The following VIRMA variants were observed in gnomAD, a reference collection of about 807,000 sequenced individuals.
VIRMA encodes the protein protein virilizer homolog.
Under a neutral mutation model 182.4 loss-of-function variants are expected in VIRMA, and 65 were observed. The observed-to-expected ratio is 0.36, with a 90% CI of 0.29 to 0.44. The LOEUF is 0.44. Ranked by LOEUF, VIRMA falls within the 20% of genes least tolerant of loss-of-function variation. VIRMA has a pLI of 1.00. For synonymous variants in VIRMA, 709 were observed against 743.1 expected, an observed-to-expected ratio of 0.95 and a Z score of 0.75; for missense variants, 1,752 against 2,158.1, an observed-to-expected ratio of 0.81 and a Z score of 3.73.
intron 4 of VIRMA, 112 bp downstream of exon 4, chr8:94,536,991 G>GAAA: frequency 9.3e-6 from 6 of 642,568 alleles, no homozygotes; most frequent in East Asian, 3.2e-5. Flanking sequence ...AAAACACAAA[G>GAAA]AAAAAAAAAA....
chr8:94,516,768 GA>G (rs1386869548), intron 10 of VIRMA, among the ~76,000 whole-genome samples: 1 of 152,032 alleles, frequency 6.6e-6, no homozygotes, highest in South Asian at 2.1e-4. Context: ...CATTCTTCAG[GA>G]AAAAAATCTA....
intron 18 of VIRMA, 63 bp from the exon 19 acceptor site, chr8:94,495,954 A>G: frequency 1.4e-6 from 2 of 1,430,236 alleles, no homozygotes; most frequent in Admixed American, 2.1e-5. Context: ...AAACCTACTG[A>G]CTCTTTCGTA....
intron 20 of VIRMA, 137 bp downstream of exon 20, chr8:94,494,723 G>T: frequency 1.8e-6 from 1 of 550,510 alleles, no homozygotes; most frequent in Non-Finnish European, 3.1e-6. Flanking sequence ...TGGGCAAGTG[G>T]CATAAAAATA....
intron 11 of VIRMA, among the ~76,000 whole-genome samples, chr8:94,514,079 T>G (rs1284088491): frequency 2.2e-5 from 2 of 89,720 alleles, no homozygotes; most frequent in Non-Finnish European, 5.3e-5. Flanking sequence ...GCTTATATAC[T>G]CTCTCTCTCT....
intron 1 of VIRMA, among the ~76,000 whole-genome samples, chr8:94,544,529 C>T (rs897130686): frequency 2.0e-5 from 3 of 151,652 alleles, no homozygotes; most frequent in African/African-American, 7.3e-5. Flanking sequence ...GGTGCAGTGG[C>T]GGGCACCTGT....
chr8:94,527,401 A>T (rs1273324970), intron 7 of VIRMA, 38 bp from the exon 8 acceptor site: 2 of 1,202,478 alleles, frequency 1.7e-6, no homozygotes, highest in Non-Finnish European at 2.3e-6. Flanking sequence ...GTATTACATC[A>T]TCTTTGTCTA....
intron 16 of VIRMA, among the ~76,000 whole-genome samples, chr8:94,500,671 T>C (rs1288876890): frequency 1.4e-4 from 21 of 150,856 alleles, no homozygotes; most frequent in South Asian, 4.2e-4. Flanking sequence ...TTTTTTTTTT[T>C]TTGAGACGGA....
intron 8 of VIRMA, among the ~76,000 whole-genome samples, chr8:94,524,864 C>T (rs1340534822): frequency 1.3e-5 from 2 of 152,224 alleles, no homozygotes; most frequent in South Asian, 2.1e-4. Flanking sequence ...CACAGTATCA[C>T]AACAAACCAT....
chr8:94,498,451 C>T (rs1258988865), intron 17 of VIRMA: 2 of 152,182 alleles, frequency 1.3e-5, no homozygotes, highest in Non-Finnish European at 2.9e-5. Flanking sequence ...TTCTGAGTTG[C>T]CCTAGCAAGG....
At position 94,529,161 on chromosome 8, in the gene VIRMA, CTCA is replaced by C. The variant is rs1563474768; in HGVS notation, c.786_788del (p.Asp262del). On this transcript the variant is annotated inframe_deletion, in exon 7 of 24. Transcript: ENST00000297591. The stretch of plus-strand genomic sequence containing the variant: ...CTACTGTTCGTCGATCATCCTCATC[CTCA>C]TCCTCTTCTTCCTCTACATCCACAT... 21 of 1,421,450 alleles carry C rather than the reference CTCA, an allele frequency of 1.5e-5. No individual in the cohort carries two copies. Among genetic ancestry groups the C allele is most frequent in the Non-Finnish European group, 1.9e-5 (19 of 1,005,074 alleles). 88.1% of individuals were successfully genotyped at this position (1,421,450 alleles called of 1,614,324 possible). A position where few individuals can be genotyped will look rare whatever the true frequency, so the allele number is the denominator to read the frequency against.
In VIRMA at chr8:94,509,733, C is replaced by T; in HGVS notation, c.3834G>A (p.Gln1278=). The part of the protein sequence containing the change: ...RSPGDSVIRQ[Q]CVEYVTSILQ... ...AAATGGATGTGACATATTCAACACA[C>T]TGTTGGCGAATAACACTGTCTCCAG... Residue 1278 remains glutamine (Q), a synonymous_variant, in exon 15 of 24, where the codon CAG becomes CAA. Transcript: ENST00000297591. 2 of 1,613,906 alleles carry T rather than the reference C, an allele frequency of 1.2e-6. No individual in the cohort carries two copies. Among genetic ancestry groups the T allele is most frequent in the South Asian group, 1.1e-5 (1 of 91,054 alleles).
rs778945233 is a variant in VIRMA at position 94,496,422 on chromosome 8, G to T, written c.4289C>A (p.Thr1430Lys). The change falls in exon 18 of 24, where the codon ACG (threonine) becomes AAG (lysine). Residue 1430 changes from threonine (T) to lysine (K), a missense_variant. By Grantham distance (78) the Thr-to-Lys change is moderately conservative. Transcript: ENST00000297591. ...TAACTCTGCAGCATTAATACTCATC[G>T]TCCGTGATGTATGAGCTCCCTCTAC... is the stretch of plus-strand genomic sequence containing the variant. ...MEVEGAHTSR[T>K]MSINAAELKQ... 1.9e-6 allele frequency: 3 copies of T among 1,612,856 alleles called. No homozygotes were observed. The Admixed American group carries it at 5.0e-5, about 27-fold the overall frequency.
At chr8:94,503,409 A>T (rs1814057551) in intron 16 of VIRMA, among the ~76,000 whole-genome samples, 1 of 152,244 alleles carries the variant, frequency 6.6e-6, no homozygotes, top group South Asian at 2.1e-4. Flanking sequence ...CCTCTGTAAT[A>T]TCCCTATCAA....
At chr8:94,511,135 A>G in intron 13 of VIRMA, 50 bp downstream of exon 13, 1 of 1,560,246 alleles carries the variant, frequency 6.4e-7, no homozygotes, top group Non-Finnish European at 8.6e-7. Flanking sequence ...GGCTTTTTAA[A>G]AAGTGTTACT....
chr8:94,492,340 G>A (rs1407868622), intron 21 of VIRMA, among the ~76,000 whole-genome samples: 32 of 150,104 alleles, frequency 2.1e-4, no homozygotes, highest in Admixed American at 2.1e-3. Flanking sequence ...CTGCAGCGCA[G>A]TGGCGTGATC....
rs763246506 is a variant in VIRMA at position 94,495,869 on chromosome 8, T to C, written c.4406A>G (p.Asn1469Ser). 1.2e-6 allele frequency: 2 copies of C among 1,613,128 alleles called. No individual in the cohort carries two copies. The highest frequency in any genetic ancestry group is 1.7e-6 in the Non-Finnish European group (2 of 1,179,736). The part of the protein sequence containing the change: ...LVLEHSKDDD[N>S]LDSLLDSVVG... Reference sequence around the variant, plus strand: ...TACACTGTCCAACAAAGAATCCAGATTGTCATCATCTTTTGAATGTTCCTA... The same window carrying C: ...TACACTGTCCAACAAAGAATCCAGACTGTCATCATCTTTTGAATGTTCCTA... The change falls in exon 19 of 24, where the codon AAT becomes AGT. Residue 1469 changes from asparagine to serine, a missense_variant. Around this residue, in one of 11 missense-constraint regions of VIRMA, gnomAD observed 777 missense variants for 920.6 expected, o/e 0.84. Transcript: ENST00000297591.
rs771825087 is a variant in VIRMA, at chr8:94,529,095, TTCTTCC to T, written c.849_854del (p.Glu284_Glu285del). 7.6e-6 allele frequency: 12 copies of T among 1,579,240 alleles called. No homozygotes were observed. Among genetic ancestry groups the T allele is most frequent in the Non-Finnish European group, 9.6e-6 (11 of 1,148,532 alleles). On this transcript the variant is annotated inframe_deletion, in exon 7 of 24. Coordinates refer to ENST00000297591, the MANE Select transcript of VIRMA (RefSeq NM_015496.5). ...CTTCACCTTCTTCATCCTCTTCACC[TTCTTCC>T]TCTTCATCTTCCTCTTCCTCCTCAG... is the stretch of plus-strand genomic sequence containing the variant.
In VIRMA at chr8:94,526,474, T is replaced by C. The variant is rs764687203; in HGVS notation, c.1770A>G (p.Thr590=). 2.5e-6 allele frequency: 4 copies of C among 1,613,882 alleles called. No individual in the cohort carries two copies. Among genetic ancestry groups the C allele is most frequent in the Non-Finnish European group, 2.5e-6 (3 of 1,180,004 alleles). Residue 590 remains threonine (T), a synonymous_variant, in exon 8 of 24, where the codon ACA becomes ACG. Coordinates refer to ENST00000297591, the MANE Select transcript of VIRMA (RefSeq NM_015496.5). ...LPNHSEPDHD[T]DAGLERTNPE... ...GGTTTGTTCTCTCAAGTCCAGCATC[T>C]GTGTCGTGATCAGGTTCACTGTGGT...
intron 15 of VIRMA, among the ~76,000 whole-genome samples, chr8:94,508,566 ACAG>A (rs1262914102): frequency 6.6e-6 from 1 of 152,170 alleles, no homozygotes; most frequent in Non-Finnish European, 1.5e-5. Flanking sequence ...CTAGGATGCC[ACAG>A]CGCTATTCAA....
Sources: allele counts gnomAD v4.1 joint callset (sites outside exome capture counted in the v4.1 genomes callset), GRCh38; gene constraint gnomAD v4.1.1; regional missense constraint gnomAD v4.1.1; transcripts MANE v1.5; gene names NCBI Gene and HGNC (gene_info 2026-07-23, HGNC 2026-07-21).